The following ARHGEF2 variants were observed in gnomAD, a reference collection of about 807,000 sequenced individuals.
The protein encoded by ARHGEF2 is Rho/Rac guanine nucleotide exchange factor 2.
A neutral mutation model predicts 121.0 loss-of-function variants in ARHGEF2; 22 were observed. That is an observed-to-expected ratio of 0.18 (90% CI 0.13 to 0.26). The LOEUF is 0.26. Among genes scored for constraint, ARHGEF2 ranks in the 10% least tolerant of loss-of-function variants. The probability of loss-of-function intolerance (pLI) is 1.00; values close to 1 mark genes in which losing one functional copy is unlikely to be tolerated. For synonymous variants in ARHGEF2, 487 were observed against 530.0 expected, an observed-to-expected ratio of 0.92 and a Z score of 1.11; for missense variants, 907 against 1,336.0, an observed-to-expected ratio of 0.68 and a Z score of 5.01.
rs1356038204 is a variant in ARHGEF2 at position 155,961,894 on chromosome 1, C to A, written c.1235G>T (p.Arg412Leu). Residue 412 changes from arginine (R) to leucine (L), a missense_variant, in exon 11 of 22, where the codon CGC (arginine) becomes CTC (leucine). Transcript: ENST00000361247. This position sits in a 1 kb window ranked among gnomAD's most constrained non-coding sequence, Gnocchi z 4.7. ...LQHSHGIEEE[R>L]QDLTTALGLV... The stretch of plus-strand genomic sequence containing the variant: ...CCCCAGTGCTGTGGTCAGGTCCTGG[C>A]GCTCCTCCTCGATCCCTGGCACCGG... The A allele has an allele frequency of 1.2e-6, 2 of 1,614,044 alleles. No homozygotes were observed. The highest frequency in any genetic ancestry group is 1.7e-6 in the Non-Finnish European group (2 of 1,179,964).
At chr1:155,955,293 T>C (rs1253726799) in intron 13 of ARHGEF2, among the ~76,000 whole-genome samples, 2 of 151,856 alleles carry the variant, frequency 1.3e-5, no homozygotes, top group Non-Finnish European at 2.9e-5. Context: ...CCTGGCTAAT[T>C]TTTGTATTTT....
At chr1:155,966,573 C>A in intron 3 of ARHGEF2, 94 bp from the exon 4 acceptor site, 2 of 1,395,116 alleles carry the variant, frequency 1.4e-6, no homozygotes, top group Admixed American at 3.4e-5. Flanking sequence ...TGGCCGGCCC[C>A]CTTAGGAGAA....
intron 1 of ARHGEF2, among the ~76,000 whole-genome samples, chr1:155,977,149 T>C (rs542342085): frequency 1.3e-5 from 2 of 152,160 alleles, no homozygotes; most frequent in South Asian, 4.2e-4. Context: ...ACCAGGGTAG[T>C]AGGGCACTCA....
chr1:155,958,490 T>A (rs1246385987), intron 11 of ARHGEF2, 94 bp from the exon 12 acceptor site: 1 of 993,972 alleles, frequency 1.0e-6, no homozygotes, highest in African/African-American at 1.6e-5. Flanking sequence ...CCCATCAGGT[T>A]AGAGCTCCCA....
At chr1:155,966,509 CA>C in intron 3 of ARHGEF2, 30 bp from the exon 4 acceptor site, 1 of 1,612,976 alleles carries the variant, frequency 6.2e-7, no homozygotes, top group Middle Eastern at 1.7e-4. Flanking sequence ...AGAGAGATAC[CA>C]AGAATGGCTG....
rs1295942342 is a variant in ARHGEF2 at position 155,970,399 on chromosome 1, T to C, written c.64-1099A>G. 3.0e-6 allele frequency: 3 copies of C among 985,222 alleles called. No homozygotes were observed. The Admixed American group carries it at 1.8e-4, about 61-fold the overall frequency. 61.0% of individuals were successfully genotyped at this position (985,222 alleles called of 1,614,324 possible). On this transcript the variant is annotated intron_variant, in intron 1 of 21. Transcript: ENST00000361247. Reference sequence around the variant, plus strand: ...CTGAGAAGGTGAGAAGAGGGGGATATCACTCTTCCCACTATTCTAGGACCT... The same window carrying C: ...CTGAGAAGGTGAGAAGAGGGGGATACCACTCTTCCCACTATTCTAGGACCT...
In ARHGEF2 at chr1:155,965,179, C is replaced by G. The variant is rs1558034070; in HGVS notation, c.581-48G>C. The G allele has an allele frequency of 6.2e-7, 1 of 1,610,468 alleles. No individual in the cohort carries two copies. ...ACTCAGAGGTCTTGAGTTCCCTTCC[C>G]TGGGTCCCTGGCCCTTCTCTAGATC... On this transcript the variant is annotated intron_variant, in intron 6 of 21. Transcript: ENST00000361247. The surrounding 1 kb of genome is among the most constrained non-coding windows in gnomAD (Gnocchi z 6.0).
intron 1 of ARHGEF2, among the ~76,000 whole-genome samples, chr1:155,976,964 C>T (rs950698784): frequency 3.9e-5 from 6 of 152,114 alleles, no homozygotes; most frequent in Non-Finnish European, 8.8e-5. Flanking sequence ...GCTGCTTTCC[C>T]TGGCCCTCCA....
chr1:155,969,299 G>C lies in ARHGEF2; in HGVS notation c.65C>G (p.Thr22Ser), dbSNP rs371480698. 4 of 1,614,040 alleles carry C rather than the reference G, an allele frequency of 2.5e-6. No homozygotes were observed. In the Admixed American group the frequency reaches 5.0e-5, roughly 20 times the overall value. The part of the protein sequence containing the change: ...IDRSRELASK[T>S]REKEKMKEAK... The stretch of plus-strand genomic sequence containing the variant: ...TTCCTTCATCTTCTCCTTTTCCCGG[G>C]TCTGTGGAAGGGATGAGAGGGAGAG... The change falls in exon 2 of 22, where the codon ACC becomes AGC. Residue 22 changes from threonine to serine, a missense_variant and splice_region_variant. By Grantham distance (58) the Thr-to-Ser change is moderately conservative. Coordinates refer to ENST00000361247, the MANE Select transcript of ARHGEF2 (RefSeq NM_001162383.2).
chr1:155,969,396 A>G, intron 1 of ARHGEF2, 96 bp from the exon 2 acceptor site: 1 of 1,558,014 alleles, frequency 6.4e-7, no homozygotes. Flanking sequence ...CAAGGAAAAA[A>G]TGCCAGCCTG....
chr1:155,976,007 G>T (rs1681232831), intron 1 of ARHGEF2, among the ~76,000 whole-genome samples: 3 of 151,872 alleles, frequency 2.0e-5, no homozygotes, highest in African/African-American at 7.3e-5. Flanking sequence ...AGCATGGAGG[G>T]GGCTACACAG....
upstream of ARHGEF2, chr1:155,978,709 G>T: frequency 1.1e-6 from 1 of 875,520 alleles, no homozygotes; most frequent in Non-Finnish European, 1.5e-6. The surrounding 1 kb of genome is among the most constrained non-coding windows in gnomAD (Gnocchi z 4.1). Context: ...GAGGGTCCTA[G>T]GACAGGTTTG....
At chr1:155,964,144 C>CAAAAAAAAA (rs71576039) in intron 7 of ARHGEF2, among the ~76,000 whole-genome samples, 2 of 55,772 alleles carry the variant, frequency 3.6e-5, no homozygotes, top group African/African-American at 2.1e-4. Context: ...GACTCTGCTT[C>CAAAAAAAAA]AAAAAAAAAA....
At chr1:155,963,244 T>G in intron 7 of ARHGEF2, 61 bp from the exon 8 acceptor site, 1 of 1,565,186 alleles carries the variant, frequency 6.4e-7, no homozygotes, top group Non-Finnish European at 8.7e-7. Flanking sequence ...CGTGGGGCCC[T>G]AGGATAAGGA....
At chr1:155,970,659 C>A (rs1680276906) in intron 1 of ARHGEF2, 1 of 985,586 alleles carries the variant, frequency 1.0e-6, no homozygotes, top group Non-Finnish European at 1.2e-6. Context: ...TCAGCCGAGG[C>A]CACGAGGCCA....
At chr1:155,948,915 A>G (rs991628170) in intron 21 of ARHGEF2, among the ~76,000 whole-genome samples, 14 of 152,136 alleles carry the variant, frequency 9.2e-5, no homozygotes, top group African/African-American at 3.4e-4. Context: ...CTCCGTAGCT[A>G]GGACTACAGG....
At chr1:155,971,880 C>CTA (rs1201306247) in intron 1 of ARHGEF2, among the ~76,000 whole-genome samples, 2 of 148,558 alleles carry the variant, frequency 1.3e-5, no homozygotes, top group Non-Finnish European at 3.0e-5. Flanking sequence ...AGACCCATCT[C>CTA]TATAAAAAAA....
chr1:155,978,705 C>T, upstream of ARHGEF2: 2 of 897,718 alleles, frequency 2.2e-6, no homozygotes, highest in Admixed American at 4.7e-5. The surrounding 1 kb of genome is among the most constrained non-coding windows in gnomAD (Gnocchi z 4.1). Flanking sequence ...GTACGAGGGT[C>T]CTAGGACAGG....
chr1:155,971,099 G>T lies in ARHGEF2; in HGVS notation c.64-1799C>A, dbSNP rs770647695. Reference sequence around the variant, plus strand: ...CAGCCTCTCCTCCCCTCCTCCTCACGCAGGCCAACTGCTCCTCTACCTAGG... The same window carrying T: ...CAGCCTCTCCTCCCCTCCTCCTCACTCAGGCCAACTGCTCCTCTACCTAGG... On this transcript the variant is annotated intron_variant, in intron 1 of 21. Coordinates refer to ENST00000361247, the MANE Select transcript of ARHGEF2 (RefSeq NM_001162383.2). 6.1e-6 allele frequency: 6 copies of T among 985,414 alleles called. No individual in the cohort carries two copies. In the African/African-American group the frequency reaches 1.1e-4, roughly 17 times the overall value. 61.0% of individuals were successfully genotyped at this position (985,414 alleles called of 1,614,324 possible). A position where few individuals can be genotyped will look rare whatever the true frequency, so the allele number is the denominator to read the frequency against.
Sources: allele counts gnomAD v4.1 joint callset (sites outside exome capture counted in the v4.1 genomes callset), GRCh38; gene constraint gnomAD v4.1.1; non-coding constraint Gnocchi (gnomAD v3.1); transcripts MANE v1.5; gene names NCBI Gene and HGNC (gene_info 2026-07-23, HGNC 2026-07-21).